ADAM9: variants seen among roughly 807,000 people sequenced by gnomAD.
ADAM9 encodes the protein ADAM metallopeptidase domain 9.
ADAM9 carries 54 observed loss-of-function variants against 108.1 expected under a neutral mutation model. The observed-to-expected ratio is 0.50, with a 90% CI of 0.40 to 0.63. ADAM9 has a LOEUF of 0.63. Ranked by LOEUF, ADAM9 falls within the 20% of genes least tolerant of loss-of-function variation. ADAM9 has a pLI of 0.00. For missense variants in ADAM9, 830 were observed against 997.7 expected, an observed-to-expected ratio of 0.83 and a Z score of 2.26; for synonymous variants, 316 against 336.0, an observed-to-expected ratio of 0.94 and a Z score of 0.65.
chr8:39,104,676 A>T lies in ADAM9; in HGVS notation c.*976A>T, dbSNP rs1372716520. The T allele has an allele frequency of 2.2e-6, 1 of 453,722 alleles. No homozygotes were observed. The highest frequency in any genetic ancestry group is 4.4e-6 in the Non-Finnish European group (1 of 226,630). 28.1% of individuals were successfully genotyped at this position (453,722 alleles called of 1,614,324 possible). ...TACATTTACTAAGGTGTGCTGGGTCATGTAAAATATTAGACACTAATATTT... is the reference window on the plus strand; with the variant it reads ...TACATTTACTAAGGTGTGCTGGGTCTTGTAAAATATTAGACACTAATATTT... On this transcript the variant is annotated 3_prime_UTR_variant, in exon 22 of 22. Coordinates refer to ENST00000487273, the MANE Select transcript of ADAM9 (RefSeq NM_003816.3).
intron 15 of ADAM9, 118 bp from the exon 16 acceptor site, chr8:39,077,110 T>C (rs1588416363): frequency 2.6e-6 from 3 of 1,133,584 alleles, no homozygotes; most frequent in Non-Finnish European, 3.9e-6. Flanking sequence ...TCATACACTT[T>C]CTCTGTTGAG....
chr8:39,022,992 C>T (rs532979108), intron 8 of ADAM9, among the ~76,000 whole-genome samples, 164 bp from the exon 9 acceptor site: 2 of 152,114 alleles, frequency 1.3e-5, no homozygotes, highest in African/African-American at 2.4e-5. Flanking sequence ...AGATTACAGG[C>T]GTGAGCCACT....
chr8:39,101,491 T>C (rs1839692188), intron 20 of ADAM9, among the ~76,000 whole-genome samples: 1 of 152,220 alleles, frequency 6.6e-6, no homozygotes, highest in African/African-American at 2.4e-5. Context: ...ATTGTCCACA[T>C]GAGGGGCTGA....
chr8:39,070,092 G>T (rs1194750375), intron 14 of ADAM9, among the ~76,000 whole-genome samples: 2 of 144,454 alleles, frequency 1.4e-5, no homozygotes, highest in Non-Finnish European at 3.0e-5. Context: ...GGTAAAGGCT[G>T]CAGTGAGCTA....
chr8:39,021,809 C>A, intron 8 of ADAM9, 95 bp downstream of exon 8: 1 of 1,066,544 alleles, frequency 9.4e-7, no homozygotes, highest in Non-Finnish European at 1.5e-6. Context: ...TTCTGATTTT[C>A]ATAGGGCCTC....
At position 39,033,605 on chromosome 8, in the gene ADAM9, C is replaced by T. The variant is rs914118003; in HGVS notation, c.1130+6795C>T. On this transcript the variant is annotated intron_variant, in intron 11 of 21. Transcript: ENST00000487273. ...ATATCACTTAATATATTTATATTTACTGTAATTACTGATCCATTTAATCAA... is the reference window on the plus strand; with the variant it reads ...ATATCACTTAATATATTTATATTTATTGTAATTACTGATCCATTTAATCAA... Among the ~76,000 whole-genome samples, 3 of 151,488 alleles carry T rather than the reference C, an allele frequency of 2.0e-5. No homozygotes were observed. The East Asian group carries it at 5.8e-4, about 29-fold the overall frequency.
Position 39,045,120 on chromosome 8 carries a change from G to GTATATA in ADAM9, c.1302+3004_1302+3005insATATAT, listed in dbSNP as rs1564297719. On this transcript the variant is annotated intron_variant, in intron 12 of 21. Coordinates refer to ENST00000487273, the MANE Select transcript of ADAM9 (RefSeq NM_003816.3). ...TGTGTGTGTGCATACATACATATGT[G>GTATATA]TGTGTGCATACATACATATATGTGT... Among the ~76,000 whole-genome samples, 9 of 76,292 alleles carry GTATATA rather than the reference G, an allele frequency of 1.2e-4. 3 individuals carry two copies. Among genetic ancestry groups the GTATATA allele is most frequent in the Admixed American group, 4.0e-4 (3 of 7,446 alleles). 50.1% of individuals were successfully genotyped at this position (76,292 alleles called of 152,430 possible).
At chr8:39,101,057 A>G (rs1839680605) in intron 20 of ADAM9, among the ~76,000 whole-genome samples, 1 of 152,210 alleles carries the variant, frequency 6.6e-6, no homozygotes, top group Non-Finnish European at 1.5e-5. Context: ...TACATTTTGG[A>G]AGATTTTATT....
chr8:39,070,529 A>G (rs1241010618), intron 14 of ADAM9, among the ~76,000 whole-genome samples: 2 of 152,158 alleles, frequency 1.3e-5, no homozygotes, highest in East Asian at 1.9e-4. Flanking sequence ...CACAAAACAT[A>G]TTTTTATTAT....
rs201152797 is a variant in ADAM9 at position 39,054,435 on chromosome 8, A to G, written c.1303-46A>G. 8.9e-4 allele frequency: 1,333 copies of G among 1,494,080 alleles called. 3 individuals are homozygous for G. Among genetic ancestry groups the G allele is most frequent in the Middle Eastern group, 5.1e-3 (30 of 5,828 alleles). 92.6% of individuals were successfully genotyped at this position (1,494,080 alleles called of 1,614,324 possible). A position where few individuals can be genotyped will look rare whatever the true frequency, so the allele number is the denominator to read the frequency against. The stretch of plus-strand genomic sequence containing the variant: ...ATGAGAATTTTATTAATGAGTATTC[A>G]TGTCAATTACTAATTTCTTTATTGA... On this transcript the variant is annotated intron_variant, in intron 12 of 21. Transcript: ENST00000487273.
chr8:39,002,235 CTGTT>C (rs1397194518), intron 1 of ADAM9, among the ~76,000 whole-genome samples: 2 of 148,572 alleles, frequency 1.3e-5, no homozygotes, highest in African/African-American at 2.5e-5. Context: ...TTAAAAGTGG[CTGTT>C]TGTTTATGTA....
intron 3 of ADAM9, 72 bp downstream of exon 3, chr8:39,011,788 G>C: frequency 1.4e-6 from 2 of 1,411,610 alleles, no homozygotes; most frequent in Non-Finnish European, 1.0e-6. Flanking sequence ...TTTCTAGTTT[G>C]ATATGGTTTA....
At chr8:39,014,064 T>C in intron 4 of ADAM9, 21 bp downstream of exon 4, 9 of 1,588,698 alleles carry the variant, frequency 5.7e-6, no homozygotes, top group Non-Finnish European at 7.8e-6. Flanking sequence ...TTTCTCTTGA[T>C]CCCATAGCAA....
At chr8:39,026,122 A>C (rs896143812) in intron 10 of ADAM9, among the ~76,000 whole-genome samples, 2 of 152,190 alleles carry the variant, frequency 1.3e-5, no homozygotes, top group South Asian at 2.1e-4. Flanking sequence ...GTTCTGGGAC[A>C]CATGTGCAGA....
chr8:39,084,537 T>G lies in ADAM9; in HGVS notation c.2068+1464T>G, dbSNP rs141374896. 3.0e-3 allele frequency among the ~76,000 whole-genome samples: 463 copies of G among 152,136 alleles called. 5 individuals are homozygous for G. The highest frequency in any genetic ancestry group is 0.01 in the African/African-American group (431 of 41,564). On this transcript the variant is annotated intron_variant, in intron 18 of 21. Coordinates refer to ENST00000487273, the MANE Select transcript of ADAM9 (RefSeq NM_003816.3). ...TTTTAGTTATCTTAATGTTACTAATTTAAATTTTACTGTAGCAAGAGAACA... is the reference window on the plus strand; with the variant it reads ...TTTTAGTTATCTTAATGTTACTAATGTAAATTTTACTGTAGCAAGAGAACA...
At chr8:39,091,524 G>T (rs1839354483) in intron 20 of ADAM9, among the ~76,000 whole-genome samples, 178 bp downstream of exon 20, 1 of 152,170 alleles carries the variant, frequency 6.6e-6, no homozygotes, top group Non-Finnish European at 1.5e-5. Flanking sequence ...GCCTTGCTCT[G>T]TTGCCCGGGG....
chr8:39,059,239 A>G (rs1285349437), intron 14 of ADAM9, among the ~76,000 whole-genome samples: 1 of 152,200 alleles, frequency 6.6e-6, no homozygotes, highest in Non-Finnish European at 1.5e-5. Context: ...AGAGATGGCA[A>G]ATCTATATCA....
intron 9 of ADAM9, among the ~76,000 whole-genome samples, chr8:39,025,059 G>A (rs1197388169): frequency 6.6e-6 from 1 of 151,894 alleles, no homozygotes; most frequent in African/African-American, 2.4e-5. Flanking sequence ...TGTGGGGTGT[G>A]ACTGGGGAGG....
At chr8:39,045,714 C>T (rs1006180506) in intron 12 of ADAM9, among the ~76,000 whole-genome samples, 2 of 151,934 alleles carry the variant, frequency 1.3e-5, no homozygotes, top group Non-Finnish European at 2.9e-5. Flanking sequence ...GATTTATTTT[C>T]CTCTGGGTAG....
Sources: allele counts gnomAD v4.1 joint callset (sites outside exome capture counted in the v4.1 genomes callset), GRCh38; gene constraint gnomAD v4.1.1; transcripts MANE v1.5; gene names NCBI Gene and HGNC (gene_info 2026-07-23, HGNC 2026-07-21).